Variants in PTPRD observed in about 807,000 individuals in gnomAD.
The protein encoded by PTPRD is protein tyrosine phosphatase receptor type D.
Under a neutral mutation model 214.5 loss-of-function variants are expected in PTPRD, and 34 were observed. The ratio of observed to expected loss-of-function variants is 0.16; its 90% CI spans 0.12 to 0.21. PTPRD has a LOEUF of 0.21. Among genes scored for constraint, PTPRD ranks in the 10% least tolerant of loss-of-function variants. PTPRD has a pLI of 1.00. For missense variants in PTPRD, 2,545 were observed against 2,398.7 expected (o/e 1.06, Z -1.27); for synonymous variants, 1,128 against 845.7 (o/e 1.33, Z -5.79).
intron 10 of PTPRD, among the ~76,000 whole-genome samples, chr9:9,155,714 T>C (rs926808161): frequency 3.3e-5 from 5 of 152,182 alleles, no homozygotes; most frequent in Admixed American, 2.0e-4. Context: ...GATTCATGGA[T>C]AATCATCGAC....
chr9:8,980,596 G>C (rs1162282043), intron 11 of PTPRD, among the ~76,000 whole-genome samples: 1 of 152,020 alleles, frequency 6.6e-6, no homozygotes, highest in East Asian at 1.9e-4. Context: ...AGTTATCTCA[G>C]AAAATTCCCC....
At chr9:9,077,302 A>G (rs2099752694) in intron 10 of PTPRD, among the ~76,000 whole-genome samples, 2 of 151,966 alleles carry the variant, frequency 1.3e-5, no homozygotes, top group Admixed American at 6.6e-5. Context: ...AGATGGTTTT[A>G]TTAATGAAAA....
intron 3 of PTPRD, among the ~76,000 whole-genome samples, chr9:10,188,164 T>C (rs1396916023): frequency 2.0e-5 from 3 of 152,162 alleles, no homozygotes; most frequent in Non-Finnish European, 4.4e-5. Context: ...AGTAATGCTA[T>C]TCACCCTTTT....
At chr9:9,528,627 G>T (rs1165380886) in intron 8 of PTPRD, among the ~76,000 whole-genome samples, 1 of 151,828 alleles carries the variant, frequency 6.6e-6, no homozygotes, top group Non-Finnish European at 1.5e-5. Context: ...AGAACCACGA[G>T]AAAATAAAAA....
rs2096474557 is a variant in PTPRD, at chr9:8,637,624, T to A, written c.65-780A>T. Among the ~76,000 whole-genome samples the A allele has an allele frequency of 2.0e-5, 3 of 152,240 alleles. No homozygotes were observed. In the South Asian group the frequency reaches 6.2e-4, roughly 32 times the overall value. Reference sequence around the variant, plus strand: ...TCCTTCTTTAAAAAACTTACTTATTTTTCATCTTGTATTTCAAGATCTAGA... The same window carrying A: ...TCCTTCTTTAAAAAACTTACTTATTATTCATCTTGTATTTCAAGATCTAGA... On this transcript the variant is annotated intron_variant, in intron 12 of 45. Transcript: ENST00000381196.
At chr9:9,045,549 A>G (rs973923586) in intron 10 of PTPRD, among the ~76,000 whole-genome samples, 6 of 152,170 alleles carry the variant, frequency 3.9e-5, no homozygotes, top group African/African-American at 1.4e-4. Context: ...TTGCAGGAGC[A>G]AGAACAGCCC....
At chr9:8,515,904 T>C (rs2097773943) in intron 21 of PTPRD, among the ~76,000 whole-genome samples, 2 of 152,146 alleles carry the variant, frequency 1.3e-5, no homozygotes, top group African/African-American at 2.4e-5. Flanking sequence ...ATAAGGTGGT[T>C]ATTATTATAG....
chr9:8,582,300 G>A (rs1424446077), intron 14 of PTPRD, among the ~76,000 whole-genome samples: 1 of 152,130 alleles, frequency 6.6e-6, no homozygotes, highest in Non-Finnish European at 1.5e-5. Context: ...AGACGTAAAT[G>A]TGAAAAAGTA....
rs568437253 is a variant in PTPRD, at chr9:9,466,556, A to G, written c.-236-69074T>C. On this transcript the variant is annotated intron_variant, in intron 8 of 45. Coordinates refer to ENST00000381196, the MANE Select transcript of PTPRD (RefSeq NM_002839.4). ...TCATTTAATTAAGGGAGTGTATTCA[A>G]AACACAAATCTGTGTTTCATACTTA... is the stretch of plus-strand genomic sequence containing the variant. Among the ~76,000 whole-genome samples, 207 of 152,282 alleles carry G rather than the reference A, an allele frequency of 1.4e-3. 1 individual carries two copies. Among genetic ancestry groups the G allele is most frequent in the African/African-American group, 4.7e-3 (196 of 41,552 alleles).
intron 36 of PTPRD, among the ~76,000 whole-genome samples, chr9:8,393,743 A>G (rs762797819): frequency 1.3e-5 from 2 of 152,156 alleles, no homozygotes; most frequent in Non-Finnish European, 1.5e-5. Flanking sequence ...CCCATAAATA[A>G]TTGTTTAGCC....
chr9:9,657,526 A>G (rs554174404), intron 7 of PTPRD, among the ~76,000 whole-genome samples: 52 of 152,298 alleles, frequency 3.4e-4, no homozygotes, highest in East Asian at 7.7e-4. Flanking sequence ...AGTGCAGCAA[A>G]CCAACATGGC....
At chr9:9,941,304 T>C (rs547211746) in intron 4 of PTPRD, among the ~76,000 whole-genome samples, 2 of 152,236 alleles carry the variant, frequency 1.3e-5, no homozygotes, top group African/African-American at 4.8e-5. Flanking sequence ...TAATATTCAA[T>C]AAACATTAAG....
chr9:10,438,005 C>CTA (rs1180134707), intron 2 of PTPRD, among the ~76,000 whole-genome samples: 11 of 110,654 alleles, frequency 9.9e-5, no homozygotes, highest in East Asian at 4.0e-4. Context: ...CTCCCTAAGT[C>CTA]TACATATATA....
intron 11 of PTPRD, among the ~76,000 whole-genome samples, chr9:8,958,085 T>C (rs1261653567): frequency 6.6e-6 from 1 of 151,886 alleles, no homozygotes; most frequent in Non-Finnish European, 1.5e-5. Flanking sequence ...TAATCTTTAT[T>C]TTAATTCCAG....
intron 5 of PTPRD, among the ~76,000 whole-genome samples, chr9:9,892,626 A>G (rs1438914129): frequency 2.6e-5 from 4 of 152,050 alleles, no homozygotes; most frequent in Non-Finnish European, 4.4e-5. Flanking sequence ...TTGGGAAATG[A>G]TCTCACTATG....
chr9:8,504,432 T>C (rs145553575), intron 22 of PTPRD, 27 bp from the exon 23 acceptor site: 1 of 1,613,542 alleles, frequency 6.2e-7, no homozygotes, highest in Non-Finnish European at 8.5e-7. Context: ...AATGTGGTCA[T>C]CTTCATTAAG....
intron 9 of PTPRD, among the ~76,000 whole-genome samples, chr9:9,188,678 C>A (rs2099933188): frequency 1.3e-5 from 2 of 152,046 alleles, no homozygotes; most frequent in Non-Finnish European, 2.9e-5. Context: ...ACTCTAACAA[C>A]CCTTTTAAGG....
intron 2 of PTPRD, among the ~76,000 whole-genome samples, chr9:10,443,642 G>T (rs1358726222): frequency 2.0e-5 from 3 of 151,444 alleles, no homozygotes; most frequent in Non-Finnish European, 4.4e-5. Context: ...AATGCAGATA[G>T]ACATTCTCAT....
intron 2 of PTPRD, among the ~76,000 whole-genome samples, chr9:10,566,118 A>C (rs987708137): frequency 2.6e-5 from 4 of 151,964 alleles, no homozygotes; most frequent in African/African-American, 9.7e-5. Flanking sequence ...GTAATTTGAT[A>C]AATTTCTTTG....
Sources: allele counts gnomAD v4.1 joint callset (sites outside exome capture counted in the v4.1 genomes callset), GRCh38; gene constraint gnomAD v4.1.1; transcripts MANE v1.5; gene names NCBI Gene and HGNC (gene_info 2026-07-23, HGNC 2026-07-21).